Variants in RNF38 observed in about 807,000 individuals in gnomAD.
The protein encoded by RNF38 is ring finger protein 38.
A neutral mutation model predicts 67.2 loss-of-function variants in RNF38; 15 were observed. The observed-to-expected ratio is 0.22, with a 90% CI of 0.15 to 0.34. RNF38 has a LOEUF of 0.34. Ranked by LOEUF, RNF38 falls within the 10% of genes least tolerant of loss-of-function variation. RNF38 has a pLI of 1.00. For synonymous variants in RNF38, 220 were observed against 218.8 expected (o/e 1.01, Z -0.05); for missense variants, 524 against 639.9 (o/e 0.82, Z 1.95).
intron 6 of RNF38, among the ~76,000 whole-genome samples, chr9:36,353,799 T>C (rs1244389532): frequency 1.3e-5 from 2 of 152,204 alleles, no homozygotes; most frequent in African/African-American, 2.4e-5. Context: ...TGCAGAAAGA[T>C]TATGGGCTTC....
At chr9:36,349,059 C>G (rs1833512128) in intron 9 of RNF38, among the ~76,000 whole-genome samples, 2 of 152,214 alleles carry the variant, frequency 1.3e-5, no homozygotes, top group South Asian at 4.1e-4. Context: ...TAAATCTACA[C>G]TGCCCAATAA....
chr9:36,336,984 G>T lies in RNF38; in HGVS notation c.*2768C>A, dbSNP rs1832490343. The T allele has an allele frequency of 6.6e-6, 1 of 151,894 alleles. No individual in the cohort carries two copies. Among genetic ancestry groups the T allele is most frequent in the South Asian group, 2.1e-4 (1 of 4,826 alleles). 9.4% of individuals were successfully genotyped at this position (151,894 alleles called of 1,614,324 possible). On this transcript the variant is annotated 3_prime_UTR_variant, in exon 12 of 12. Coordinates refer to ENST00000259605, the MANE Select transcript of RNF38 (RefSeq NM_022781.5). The stretch of plus-strand genomic sequence containing the variant: ...GCCTTATTTTTTTGAGGGGCTGGGG[G>T]TTAAAAAAACACCAAAGATGACAAT...
intron 1 of RNF38, among the ~76,000 whole-genome samples, chr9:36,468,789 G>A (rs749628048): frequency 1.1e-4 from 17 of 151,982 alleles, no homozygotes; most frequent in African/African-American, 3.6e-4. Flanking sequence ...TCCAGCCTGA[G>A]CAACAAGAGC....
chr9:36,390,042 G>T (rs1836953347), intron 2 of RNF38, among the ~76,000 whole-genome samples: 2 of 152,106 alleles, frequency 1.3e-5, no homozygotes, highest in Non-Finnish European at 2.9e-5. Flanking sequence ...GGTAAAAGAA[G>T]ACAAGTAACC....
intron 1 of RNF38, among the ~76,000 whole-genome samples, chr9:36,426,665 T>C (rs1242857170): frequency 6.6e-6 from 1 of 152,234 alleles, no homozygotes; most frequent in Non-Finnish European, 1.5e-5. Context: ...ATTCAACCTT[T>C]TGAGGAACTG....
intron 9 of RNF38, among the ~76,000 whole-genome samples, chr9:36,345,944 T>A (rs1833195282): frequency 6.6e-6 from 1 of 152,220 alleles, no homozygotes; most frequent in African/African-American, 2.4e-5. Flanking sequence ...ATGTGAATAC[T>A]TATACCATAA....
At chr9:36,366,500 A>G (rs995518566) in intron 4 of RNF38, among the ~76,000 whole-genome samples, 2 of 152,114 alleles carry the variant, frequency 1.3e-5, no homozygotes, top group Non-Finnish European at 2.9e-5. Context: ...TTGTATATTC[A>G]TTTTTTGTAA....
chr9:36,428,761 A>C (rs1365340856), intron 1 of RNF38, among the ~76,000 whole-genome samples: 1 of 152,184 alleles, frequency 6.6e-6, no homozygotes, highest in Admixed American at 6.5e-5. Flanking sequence ...ATTCAGGGCT[A>C]TATTTCTTGA....
intron 1 of RNF38, among the ~76,000 whole-genome samples, chr9:36,462,033 G>C (rs187414712): frequency 6.6e-6 from 1 of 152,286 alleles, no homozygotes; most frequent in Admixed American, 6.5e-5. Flanking sequence ...TATATGCAAA[G>C]GTAAGAGGAA....
At chr9:36,399,253 T>A (rs1837793660) in intron 1 of RNF38, among the ~76,000 whole-genome samples, 1 of 152,080 alleles carries the variant, frequency 6.6e-6, no homozygotes, top group Non-Finnish European at 1.5e-5. Flanking sequence ...ACAGACGAAG[T>A]CAGAGGTGGA....
At chr9:36,378,855 G>T (rs1472160344) in intron 2 of RNF38, among the ~76,000 whole-genome samples, 1 of 151,964 alleles carries the variant, frequency 6.6e-6, no homozygotes, top group African/African-American at 2.4e-5. Context: ...GACAAAGAAT[G>T]GGAAGTGAAG....
At chr9:36,422,157 G>A (rs1838645491) in intron 2 of RNF38, among the ~76,000 whole-genome samples, 1 of 152,148 alleles carries the variant, frequency 6.6e-6, no homozygotes, top group Non-Finnish European at 1.5e-5. Context: ...ACTTGAACCA[G>A]GAGGCAGACA....
chr9:36,400,117 A>G lies in RNF38; in HGVS notation c.-9T>C. 2 of 1,612,632 alleles carry G rather than the reference A, an allele frequency of 1.2e-6. No individual in the cohort carries two copies. Among genetic ancestry groups the G allele is most frequent in the East Asian group, 2.2e-5 (1 of 44,864 alleles). ...TTTACCTTACAAGCCATACAGACGT[A>G]AACAAAAACTTTATTTCTTTTTGGA... On this transcript the variant is annotated 5_prime_UTR_variant, in exon 1 of 12. Transcript: ENST00000259605.
At chr9:36,426,488 C>T (rs928293613) in intron 1 of RNF38, among the ~76,000 whole-genome samples, 8 of 152,294 alleles carry the variant, frequency 5.3e-5, no homozygotes, top group Non-Finnish European at 7.4e-5. Flanking sequence ...CACTGAACCG[C>T]GTACCAATCC....
Position 36,339,696 on chromosome 9 carries a change from T to C in RNF38, c.*56A>G. ...CACACAGATTAAGTTCAATGGATAG[T>C]CCGTATATACATGTGATGAGGAACA... On this transcript the variant is annotated 3_prime_UTR_variant, in exon 12 of 12. Transcript: ENST00000259605. 1 of 1,374,010 alleles carries C rather than the reference T, an allele frequency of 7.3e-7. No homozygotes were observed. The highest frequency in any genetic ancestry group is 1.0e-6 in the Non-Finnish European group (1 of 971,004). 85.1% of individuals were successfully genotyped at this position (1,374,010 alleles called of 1,614,324 possible).
chr9:36,440,106 T>G (rs1297551939), intron 1 of RNF38, among the ~76,000 whole-genome samples: 1 of 151,938 alleles, frequency 6.6e-6, no homozygotes, highest in Admixed American at 6.6e-5. Context: ...ATCAGCCAGG[T>G]GTGGTGGCTC....
chr9:36,442,004 G>T (rs1839202552), intron 1 of RNF38, among the ~76,000 whole-genome samples: 1 of 152,044 alleles, frequency 6.6e-6, no homozygotes, highest in African/African-American at 2.4e-5. Flanking sequence ...AATTCTTTCT[G>T]AATACATCAG....
At position 36,393,477 on chromosome 9, in the gene RNF38, TTGTG is replaced by T. The variant is rs58913703; in HGVS notation, c.13-2865_13-2862del. Among the ~76,000 whole-genome samples, 721 of 87,788 alleles carry T rather than the reference TTGTG, an allele frequency of 8.2e-3. 1 individual carries two copies. Among genetic ancestry groups the T allele is most frequent in the Middle Eastern group, 0.015 (3 of 202 alleles). The allele number at this position is 87,788 out of a possible 152,430, so 57.6% of individuals were successfully genotyped here. A position where few individuals can be genotyped will look rare whatever the true frequency, so the allele number is the denominator to read the frequency against. ...GGTAAAATAAAATCACACACACACA[TTGTG>T]TGTGTGTGTGTGTGTGTGTGTGTGT... On this transcript the variant is annotated intron_variant, in intron 1 of 11. Coordinates refer to ENST00000259605, the MANE Select transcript of RNF38 (RefSeq NM_022781.5).
chr9:36,472,838 G>A (rs1277983605), intron 1 of RNF38, among the ~76,000 whole-genome samples: 2 of 152,120 alleles, frequency 1.3e-5, no homozygotes, highest in African/African-American at 2.4e-5. Flanking sequence ...GGGTACGGTG[G>A]CTCATATCTG....
Sources: gnomAD v4.1 joint callset for allele counts (sites outside exome capture counted in the v4.1 genomes callset) on GRCh38, gnomAD v4.1.1 for gene constraint, MANE v1.5 for transcripts, NCBI Gene and HGNC (gene_info 2026-07-23, HGNC 2026-07-21) for gene names.